The following ARHGAP42 variants were observed in gnomAD, a reference collection of about 807,000 sequenced individuals.
ARHGAP42 encodes rho GTPase-activating protein 42.
Under a neutral mutation model 125.0 loss-of-function variants are expected in ARHGAP42, and 63 were observed. That is an observed-to-expected ratio of 0.50 (90% CI 0.41 to 0.62). ARHGAP42 has a LOEUF of 0.62. Ranked by LOEUF, ARHGAP42 falls within the 20% of genes least tolerant of loss-of-function variation. The pLI, the probability that ARHGAP42 is intolerant of heterozygous loss-of-function variation, is 0.00. For missense variants in ARHGAP42, 766 were observed against 1,024.2 expected, an observed-to-expected ratio of 0.75 and a Z score of 3.44; for synonymous variants, 339 against 351.0, an observed-to-expected ratio of 0.97 and a Z score of 0.38.
chr11:100,976,838 A>C lies in ARHGAP42; in HGVS notation c.2260A>C (p.Ile754Leu). ...AEGNKSYSGS[I>L]QSLTSVGSKE... is the part of the protein sequence containing the mutation. The stretch of plus-strand genomic sequence containing the variant: ...AGGAAACAAGAGCTACAGTGGATCT[A>C]TTCAAAGCTTAACTTCTGTAGGTTC... The change falls in exon 21 of 24, where the codon ATT becomes CTT. Residue 754 changes from isoleucine to leucine, a missense_variant. Coordinates refer to ENST00000298815, the MANE Select transcript of ARHGAP42 (RefSeq NM_152432.4). 6.4e-7 allele frequency: 1 copy of C among 1,550,912 alleles called. No homozygotes were observed. The highest frequency in any genetic ancestry group is 8.7e-7 in the Non-Finnish European group (1 of 1,146,790).
rs919844791 is a variant in ARHGAP42, at chr11:100,977,562, A to G, written c.2393+591A>G. 3.1e-4 allele frequency among the ~76,000 whole-genome samples: 47 copies of G among 152,230 alleles called. 1 individual carries two copies. Among genetic ancestry groups the G allele is most frequent in the Non-Finnish European group, 1.3e-4 (9 of 68,040 alleles). ...AGTAGAAAGTGGGTGAAGAAGAACA[A>G]TGGAAACCTGGCTAAACAAGTAAGC... On this transcript the variant is annotated intron_variant, in intron 21 of 23. Coordinates refer to ENST00000298815, the MANE Select transcript of ARHGAP42 (RefSeq NM_152432.4).
In ARHGAP42 at chr11:100,961,699, C is replaced by CTGATAT. The variant is rs943991161; in HGVS notation, c.1332_1337dup (p.Asp444_Ile445dup). On this transcript the variant is annotated inframe_insertion, in exon 15 of 24. Transcript: ENST00000298815. ...TTCTTTCCAGCTCCTAAATCCCCTC[C>CTGATAT]TGATATTGATATTGATATTGAACTG... is the stretch of plus-strand genomic sequence containing the variant. 1.7e-5 allele frequency: 26 copies of CTGATAT among 1,551,302 alleles called. No individual in the cohort carries two copies. The highest frequency in any genetic ancestry group is 9.8e-5 in the Admixed American group (5 of 50,940).
intron 1 of ARHGAP42, 47 bp from the exon 2 acceptor site, chr11:100,770,296 C>A: frequency 7.9e-7 from 1 of 1,261,748 alleles, no homozygotes; most frequent in Non-Finnish European, 1.1e-6. Context: ...CATTCGGATT[C>A]AGTGGAACCT....
chr11:100,756,598 C>T (rs7130855), intron 1 of ARHGAP42, among the ~76,000 whole-genome samples: 39,163 of 151,952 alleles, frequency 0.26, 5,284 homozygotes, highest in Non-Finnish European at 0.29. Context: ...AATCATAGGC[C>T]GATTACATGC....
At chr11:100,792,999 A>C (rs543710) in intron 2 of ARHGAP42, among the ~76,000 whole-genome samples, 133,854 of 152,124 alleles carry the variant, frequency 0.88, 59,264 homozygotes, top group East Asian at 1. Context: ...CGTGACCTGC[A>C]CTCCTCAGCC....
intron 2 of ARHGAP42, among the ~76,000 whole-genome samples, chr11:100,791,057 TG>T (rs1455555558): frequency 2.0e-5 from 3 of 152,134 alleles, no homozygotes; most frequent in Admixed American, 2.0e-4. Context: ...AGCACAGTGA[TG>T]GGTGCTGGGG....
At chr11:100,807,243 T>C (rs992456338) in intron 3 of ARHGAP42, among the ~76,000 whole-genome samples, 6 of 152,054 alleles carry the variant, frequency 3.9e-5, no homozygotes, top group African/African-American at 1.4e-4. Flanking sequence ...TTGCCCAGGC[T>C]GGAGTGCAAT....
intron 3 of ARHGAP42, among the ~76,000 whole-genome samples, chr11:100,821,912 T>C (rs1249155267): frequency 1.3e-5 from 2 of 152,148 alleles, no homozygotes; most frequent in African/African-American, 4.8e-5. Flanking sequence ...TGACTGGAGA[T>C]TTAAATCATT....
intron 17 of ARHGAP42, among the ~76,000 whole-genome samples, chr11:100,967,350 C>CA (rs1398393917): frequency 6.6e-6 from 1 of 152,010 alleles, no homozygotes; most frequent in Non-Finnish European, 1.5e-5. Context: ...TATTAAATTA[C>CA]AAAAAATATA....
chr11:100,710,058 A>G (rs1450876283), intron 1 of ARHGAP42, among the ~76,000 whole-genome samples: 5 of 151,972 alleles, frequency 3.3e-5, no homozygotes, highest in Non-Finnish European at 7.4e-5. Flanking sequence ...AGGAACAACT[A>G]TTTTCAAAGC....
intron 10 of ARHGAP42, among the ~76,000 whole-genome samples, chr11:100,945,926 T>G (rs1868002873): frequency 6.6e-6 from 1 of 152,054 alleles, no homozygotes; most frequent in African/African-American, 2.4e-5. Flanking sequence ...AGATAGTGAC[T>G]TCTTTCTATT....
chr11:100,800,391 T>C (rs1863822340), intron 3 of ARHGAP42, among the ~76,000 whole-genome samples: 1 of 152,208 alleles, frequency 6.6e-6, no homozygotes, highest in African/African-American at 2.4e-5. Context: ...AGCTTGGTTT[T>C]GGAGCTGGTC....
chr11:100,967,799 C>T (rs754745250), intron 17 of ARHGAP42, among the ~76,000 whole-genome samples: 1 of 152,124 alleles, frequency 6.6e-6, no homozygotes, highest in East Asian at 1.9e-4. Flanking sequence ...CTGCAACCTC[C>T]ATCTCCTGGG....
intron 1 of ARHGAP42, among the ~76,000 whole-genome samples, chr11:100,710,689 T>A (rs1435554155): frequency 2.0e-5 from 3 of 151,654 alleles, no homozygotes; most frequent in Non-Finnish European, 4.4e-5. Flanking sequence ...CACAGGCACA[T>A]GCCACCACAC....
At chr11:100,730,842 G>A (rs530531666) in intron 1 of ARHGAP42, among the ~76,000 whole-genome samples, 1 of 152,308 alleles carries the variant, frequency 6.6e-6, no homozygotes, top group African/African-American at 2.4e-5. Flanking sequence ...CTACAAACCT[G>A]TACAGCATAT....
chr11:100,722,393 C>CTTTTTTTT (rs199744764), intron 1 of ARHGAP42, among the ~76,000 whole-genome samples: 2 of 135,174 alleles, frequency 1.5e-5, no homozygotes, highest in Non-Finnish European at 1.6e-5. Flanking sequence ...AAATTTATTA[C>CTTTTTTTT]TTTTTTTTTT....
chr11:100,729,579 A>G (rs544705682), intron 1 of ARHGAP42, among the ~76,000 whole-genome samples: 39 of 151,890 alleles, frequency 2.6e-4, no homozygotes, highest in Non-Finnish European at 3.7e-4. Context: ...TAGTTAGTTT[A>G]TTAATCACTG....
chr11:100,926,011 A>G (rs1867410976), intron 6 of ARHGAP42, among the ~76,000 whole-genome samples: 1 of 152,214 alleles, frequency 6.6e-6, no homozygotes, highest in Non-Finnish European at 1.5e-5. Flanking sequence ...CTCTGAACAC[A>G]AACAGCTTAA....
At chr11:100,711,167 G>A (rs1861559784) in intron 1 of ARHGAP42, among the ~76,000 whole-genome samples, 1 of 152,192 alleles carries the variant, frequency 6.6e-6, no homozygotes, top group African/African-American at 2.4e-5. Flanking sequence ...TATTTTATGG[G>A]ACTGTTGTAT....
Sources: allele counts gnomAD v4.1 joint callset (sites outside exome capture counted in the v4.1 genomes callset), GRCh38; gene constraint gnomAD v4.1.1; transcripts MANE v1.5; gene names NCBI Gene and HGNC (gene_info 2026-07-23, HGNC 2026-07-21).